The following PAX1 variants were observed in gnomAD, a reference collection of about 807,000 sequenced individuals.
PAX1 encodes paired box protein Pax-1.
A neutral mutation model predicts 35.6 loss-of-function variants in PAX1; 18 were observed. The ratio of observed to expected loss-of-function variants is 0.50; its 90% CI spans 0.35 to 0.75. The LOEUF (loss-of-function observed/expected upper bound fraction) is 0.75, where lower values mean the gene tolerates loss of function less well. PAX1 is among the 30% of genes least tolerant of loss of function. The probability of loss-of-function intolerance (pLI) is 0.01; values close to 1 mark genes in which losing one functional copy is unlikely to be tolerated. For missense variants in PAX1, 760 were observed against 661.5 expected (o/e 1.15, Z -1.63); for synonymous variants, 397 against 305.2 (o/e 1.30, Z -3.14).
chr20:21,718,413 G>A lies in PAX1; in HGVS notation c.*3851G>A, dbSNP rs1365820731. ...TCTCTCTGGGCCAGGAAAGAGACATGGAGGCAGAGGGGTGCGGGAAAACCT... is the reference window on the plus strand; with the variant it reads ...TCTCTCTGGGCCAGGAAAGAGACATAGAGGCAGAGGGGTGCGGGAAAACCT... On this transcript the variant is annotated 3_prime_UTR_variant, in exon 5 of 5. Transcript: ENST00000613128. 1 of 152,222 alleles carries A rather than the reference G, an allele frequency of 6.6e-6. No homozygotes were observed. The highest frequency in any genetic ancestry group is 1.5e-5 in the Non-Finnish European group (1 of 68,056). 9.4% of individuals were successfully genotyped at this position (152,222 alleles called of 1,614,324 possible).
At chr20:21,707,320 GA>G (rs1295330975) in intron 2 of PAX1, among the ~76,000 whole-genome samples, 1 of 152,192 alleles carries the variant, frequency 6.6e-6, no homozygotes, top group East Asian at 1.9e-4. Flanking sequence ...TTGGAGGCCT[GA>G]AATTGTGCTT....
Position 21,709,376 on chromosome 20 carries a change from G to C in PAX1, c.1214G>C (p.Gly405Ala), listed in dbSNP as rs1985124869. The C allele has an allele frequency of 6.4e-7, 1 of 1,567,266 alleles. No homozygotes were observed. Among genetic ancestry groups the C allele is most frequent in the Non-Finnish European group, 8.6e-7 (1 of 1,160,328 alleles). Residue 405 changes from glycine to alanine, a missense_variant, in exon 4 of 5, where the codon GGG (glycine) becomes GCG (alanine). Around this residue, in one of 3 missense-constraint regions of PAX1, gnomAD observed 490 missense variants for 428.4 expected, o/e 1.14. Transcript: ENST00000613128. ...CAAGGTCCTCCTCTGGCGCCCCCCG[G>C]GGCCGGCGTAGCTGTGCATGGCGGG... is the stretch of plus-strand genomic sequence containing the variant. ...PAQGPPLAPP[G>A]AGVAVHGGEL...
intron 3 of PAX1, 58 bp from the exon 4 acceptor site, chr20:21,709,164 G>C: frequency 7.8e-7 from 1 of 1,289,106 alleles, no homozygotes; most frequent in Non-Finnish European, 1.1e-6. Context: ...CTCAGTGATG[G>C]CGTGGGCTAG....
Position 21,715,102 on chromosome 20 carries a change from T to A in PAX1, c.*540T>A. 1.9e-6 allele frequency: 1 copy of A among 515,188 alleles called. No individual in the cohort carries two copies. The allele number at this position is 515,188 out of a possible 1,614,324, so 31.9% of individuals were successfully genotyped here. A position where few individuals can be genotyped will look rare whatever the true frequency, so the allele number is the denominator to read the frequency against. On this transcript the variant is annotated 3_prime_UTR_variant, in exon 5 of 5. Transcript: ENST00000613128. Reference sequence around the variant, plus strand: ...CGTCTCCTCTTTCTAGTCCTCTATATGCTATCAGCCCTTTTTCCTGGTCCA... The same window carrying A: ...CGTCTCCTCTTTCTAGTCCTCTATAAGCTATCAGCCCTTTTTCCTGGTCCA...
In PAX1 at chr20:21,717,859, T is replaced by C. The variant is rs1361599353; in HGVS notation, c.*3297T>C. On this transcript the variant is annotated 3_prime_UTR_variant, in exon 5 of 5. Coordinates refer to ENST00000613128, the MANE Select transcript of PAX1 (RefSeq NM_001257096.2). ...AATGAAAAGTGGAAGTTCTTCCTGC[T>C]CTCATTTTTGTTCTTAAAGGTGAAT... The C allele has an allele frequency of 6.6e-6, 1 of 152,208 alleles. No individual in the cohort carries two copies. The highest frequency in any genetic ancestry group is 1.5e-5 in the Non-Finnish European group (1 of 68,038). The allele number at this position is 152,208 out of a possible 1,614,324, so 9.4% of individuals were successfully genotyped here. A position where few individuals can be genotyped will look rare whatever the true frequency, so the allele number is the denominator to read the frequency against.
rs1985007667 is a variant in PAX1, at chr20:21,706,586, C to A, written c.435C>A (p.Gly145=). ...DISRQLRVSH[G]CVSKILARYN... ...GTCGGCAGCTCCGCGTATCCCACGG[C>A]TGCGTGAGCAAGATCCTGGCGCGCT... The change falls in exon 2 of 5, where the codon GGC becomes GGA. Residue 145 remains glycine, a synonymous_variant. Coordinates refer to ENST00000613128, the MANE Select transcript of PAX1 (RefSeq NM_001257096.2). The surrounding 1 kb of genome is among the most constrained non-coding windows in gnomAD (Gnocchi z 5.3). 6.2e-7 allele frequency: 1 copy of A among 1,612,282 alleles called. No individual in the cohort carries two copies. The highest frequency in any genetic ancestry group is 1.6e-4 in the Middle Eastern group (1 of 6,062).
At chr20:21,707,885 C>CCAG (rs1205133715) in intron 2 of PAX1, among the ~76,000 whole-genome samples, 3 of 152,124 alleles carry the variant, frequency 2.0e-5, no homozygotes, top group Admixed American at 2.0e-4. Context: ...GTGCTCAGCT[C>CCAG]CAGCAGCAGC....
rs1381549417 is a variant in PAX1 at position 21,717,069 on chromosome 20, A to G, written c.*2507A>G. ...GAAATGCGCCCCAGGGTGGATGCAAAGCACCTGTGTTTTAAGTGCCACCTG... is the reference window on the plus strand; with the variant it reads ...GAAATGCGCCCCAGGGTGGATGCAAGGCACCTGTGTTTTAAGTGCCACCTG... On this transcript the variant is annotated 3_prime_UTR_variant, in exon 5 of 5. Coordinates refer to ENST00000613128, the MANE Select transcript of PAX1 (RefSeq NM_001257096.2). 6.6e-6 allele frequency: 1 copy of G among 152,188 alleles called. No individual in the cohort carries two copies. Among genetic ancestry groups the G allele is most frequent in the Non-Finnish European group, 1.5e-5 (1 of 68,076 alleles). The allele number at this position is 152,188 out of a possible 1,614,324, so 9.4% of individuals were successfully genotyped here. A position where few individuals can be genotyped will look rare whatever the true frequency, so the allele number is the denominator to read the frequency against.
Position 21,716,699 on chromosome 20 carries a change from T to C in PAX1, c.*2137T>C, listed in dbSNP as rs564073936. 32 of 152,256 alleles carry C rather than the reference T, an allele frequency of 2.1e-4. No homozygotes were observed. The highest frequency in any genetic ancestry group is 4.3e-4 in the Non-Finnish European group (29 of 68,014). 9.4% of individuals were successfully genotyped at this position (152,256 alleles called of 1,614,324 possible). ...TGAGACTGAAGTCCTCAGCCTTCCA[T>C]GGCAGCATATCCTGTAGAAGAGCTT... On this transcript the variant is annotated 3_prime_UTR_variant, in exon 5 of 5. Coordinates refer to ENST00000613128, the MANE Select transcript of PAX1 (RefSeq NM_001257096.2).
rs973438235 is a variant in PAX1, at chr20:21,706,225, T to G, written c.287-213T>G. 1.3e-6 allele frequency: 1 copy of G among 783,070 alleles called. No homozygotes were observed. The highest frequency in any genetic ancestry group is 1.7e-5 in the African/African-American group (1 of 58,788). 48.5% of individuals were successfully genotyped at this position (783,070 alleles called of 1,614,324 possible). On this transcript the variant is annotated intron_variant, in intron 1 of 4. Coordinates refer to ENST00000613128, the MANE Select transcript of PAX1 (RefSeq NM_001257096.2). The surrounding 1 kb of genome is among the most constrained non-coding windows in gnomAD (Gnocchi z 5.3). ...CGCGAAAGGGCACGGAGGGCTACAA[T>G]GCGCCGCGCTCCACTCCGCGGCTCC...
rs1984954100 is a variant in PAX1 at position 21,705,735 on chromosome 20, G to A, written c.23G>A (p.Gly8Glu). 5 of 1,249,182 alleles carry A rather than the reference G, an allele frequency of 4.0e-6. No individual in the cohort carries two copies. The South Asian group carries it at 1.6e-4, about 41-fold the overall frequency. 77.4% of individuals were successfully genotyped at this position (1,249,182 alleles called of 1,614,324 possible). A position where few individuals can be genotyped will look rare whatever the true frequency, so the allele number is the denominator to read the frequency against. Residue 8 changes from glycine (G) to glutamate (E), a missense_variant, in exon 1 of 5, where the codon GGG becomes GAG. Coordinates refer to ENST00000613128, the MANE Select transcript of PAX1 (RefSeq NM_001257096.2). MKFTLGL[G>E]SRAWRVSWEG... ...CGGATGAAGTTCACCCTGGGCCTGG[G>A]GTCGCGGGCGTGGAGAGTGTCCTGG... is the stretch of plus-strand genomic sequence containing the variant.
Position 21,705,962 on chromosome 20 carries a change from C to G in PAX1, c.250C>G (p.Pro84Ala). ...AGPSPGHPGH[P>A]GARQLAGPLA... ...GCCCAGCCCCGGCCACCCCGGCCAC[C>G]CCGGCGCCAGGCAGCTGGCCGGCCC... The change falls in exon 1 of 5, where the codon CCC becomes GCC. Residue 84 changes from proline (P) to alanine (A), a missense_variant. Physicochemically the swap from Pro to Ala is conservative, Grantham distance 27. Coordinates refer to ENST00000613128, the MANE Select transcript of PAX1 (RefSeq NM_001257096.2). The G allele has an allele frequency of 6.7e-7, 1 of 1,489,840 alleles. No individual in the cohort carries two copies. Among genetic ancestry groups the G allele is most frequent in the Non-Finnish European group, 8.9e-7 (1 of 1,128,790 alleles). 92.3% of individuals were successfully genotyped at this position (1,489,840 alleles called of 1,614,324 possible).
In PAX1 at chr20:21,717,929, C is replaced by T. The variant is rs748712884; in HGVS notation, c.*3367C>T. The T allele has an allele frequency of 3.9e-5, 6 of 152,172 alleles. No individual in the cohort carries two copies. In the South Asian group the frequency reaches 1.0e-3, roughly 26 times the overall value. The allele number at this position is 152,172 out of a possible 1,614,324, so 9.4% of individuals were successfully genotyped here. ...AATCTTTCCAGGAAAAACATGCATG[C>T]GGGAAAATATGTTTCTGTCTATGTG... On this transcript the variant is annotated 3_prime_UTR_variant, in exon 5 of 5. Coordinates refer to ENST00000613128, the MANE Select transcript of PAX1 (RefSeq NM_001257096.2).
rs561618438 is a variant in PAX1, at chr20:21,708,639, C to T, written c.998C>T (p.Ala333Val). 2 of 1,613,608 alleles carry T rather than the reference C, an allele frequency of 1.2e-6. No individual in the cohort carries two copies. The highest frequency in any genetic ancestry group is 2.2e-5 in the South Asian group (2 of 91,080). ...WAGVNRTAFP[A>V]TPAVNGLEKP... Reference sequence around the variant, plus strand: ...GGCGTGAACCGCACGGCCTTCCCCGCCACCCCCGCAGTGAATGGGCTAGAG... The same window carrying T: ...GGCGTGAACCGCACGGCCTTCCCCGTCACCCCCGCAGTGAATGGGCTAGAG... The change falls in exon 3 of 5, where the codon GCC becomes GTC. Residue 333 changes from alanine to valine, a missense_variant. By Grantham distance (64) the Ala-to-Val change is moderately conservative (BLOSUM62 0). Coordinates refer to ENST00000613128, the MANE Select transcript of PAX1 (RefSeq NM_001257096.2).
Position 21,714,659 on chromosome 20 carries a change from C to G in PAX1, c.*97C>G, listed in dbSNP as rs1410312029. ...CCCCGGCAATCGGCACGGGCAGGATCGGAGGACTCGCGGAGGAGGAAGCCA... is the reference window on the plus strand; with the variant it reads ...CCCCGGCAATCGGCACGGGCAGGATGGGAGGACTCGCGGAGGAGGAAGCCA... On this transcript the variant is annotated 3_prime_UTR_variant, in exon 5 of 5. Transcript: ENST00000613128. The G allele has an allele frequency of 6.2e-7, 1 of 1,600,392 alleles. No individual in the cohort carries two copies. Among genetic ancestry groups the G allele is most frequent in the Non-Finnish European group, 8.5e-7 (1 of 1,176,276 alleles).
chr20:21,714,070 C>G (rs888657236), intron 4 of PAX1, among the ~76,000 whole-genome samples: 1 of 152,234 alleles, frequency 6.6e-6, no homozygotes, highest in African/African-American at 2.4e-5. Context: ...GGTGAGGGTC[C>G]GCGCAACGTT....
intron 3 of PAX1, among the ~76,000 whole-genome samples, chr20:21,708,930 A>AT (rs1415060635): frequency 1.3e-5 from 2 of 152,234 alleles, no homozygotes; most frequent in Non-Finnish European, 2.9e-5. Flanking sequence ...AGCTAAAAAA[A>AT]GCTGGAACTC....
At chr20:21,707,098 T>C (rs1463049253) in intron 2 of PAX1, 31 bp downstream of exon 2, 5 of 1,612,686 alleles carry the variant, frequency 3.1e-6, no homozygotes, top group Non-Finnish European at 3.4e-6. Context: ...TAGCCTTCTA[T>C]TAAGGGGCAG....
Position 21,706,947 on chromosome 20 carries a change from A to G in PAX1, c.796A>G (p.Lys266Glu). ...CAGTCCCGTGTCGCCCACGGGCGCC[A>G]AGATGGGCAGCCACCCCGGGGTCCC... Reference protein sequence around the residue: ...YPSPVSPTGAKMGSHPGVPGT... With the variant: ...YPSPVSPTGAEMGSHPGVPGT... Residue 266 changes from lysine to glutamate, a missense_variant, in exon 2 of 5, where the codon AAG becomes GAG. This residue lies in a region of PAX1 where 490 missense variants were observed against 428.4 expected (regional missense o/e 1.14). Transcript: ENST00000613128. This position sits in a 1 kb window ranked among gnomAD's most constrained non-coding sequence, Gnocchi z 5.3. 1 of 1,612,452 alleles carries G rather than the reference A, an allele frequency of 6.2e-7. No individual in the cohort carries two copies.
Sources: gnomAD v4.1 joint callset for allele counts (sites outside exome capture counted in the v4.1 genomes callset) on GRCh38, gnomAD v4.1.1 for gene constraint, gnomAD v4.1.1 regional missense constraint, Gnocchi (gnomAD v3.1) non-coding constraint, MANE v1.5 for transcripts, NCBI Gene and HGNC (gene_info 2026-07-23, HGNC 2026-07-21) for gene names.